PROM1: variants seen among roughly 807,000 people sequenced by gnomAD.
PROM1 encodes the protein prominin 1, also known as prominin-1.
A neutral mutation model predicts 116.9 loss-of-function variants in PROM1; 105 were observed. The observed-to-expected ratio is 0.90, with a 90% CI of 0.77 to 1.06. The LOEUF (loss-of-function observed/expected upper bound fraction) is 1.06. Among genes scored for constraint, PROM1 ranks in the 50% least tolerant of loss-of-function variants. PROM1 has a pLI of 0.00. For missense variants in PROM1, 1,122 were observed against 1,045.2 expected (o/e 1.07, Z -1.01); for synonymous variants, 393 against 387.0 (o/e 1.02, Z -0.18).
chr4:16,022,255 T>C (rs1343997849), intron 8 of PROM1, among the ~76,000 whole-genome samples: 2 of 152,134 alleles, frequency 1.3e-5, no homozygotes, highest in Non-Finnish European at 1.5e-5. Context: ...ATCCCTTCTC[T>C]GGGCCTCCGT....
At chr4:15,980,728 A>G (rs979411892) in intron 23 of PROM1, among the ~76,000 whole-genome samples, 191 bp from the exon 24 acceptor site, 1 of 149,998 alleles carries the variant, frequency 6.7e-6, no homozygotes, top group Non-Finnish European at 1.5e-5. Context: ...CATTGTTAGG[A>G]TTCATTTCAT....
intron 5 of PROM1, among the ~76,000 whole-genome samples, chr4:16,028,424 C>T: frequency 6.6e-6 from 1 of 152,086 alleles, no homozygotes; most frequent in East Asian, 1.9e-4. Context: ...TCCCATTATC[C>T]ACAAAAATCT....
intron 8 of PROM1, 124 bp downstream of exon 8, chr4:16,023,202 C>T: frequency 1.3e-6 from 1 of 788,866 alleles, no homozygotes; most frequent in South Asian, 1.5e-5. Context: ...GAACTGTCTG[C>T]ATGGCCACGG....
In PROM1 at chr4:16,025,301, A is replaced by G. The variant is rs1253500500; in HGVS notation, c.521T>C (p.Phe174Ser). 5.0e-6 allele frequency: 8 copies of G among 1,613,898 alleles called. No homozygotes were observed. The highest frequency in any genetic ancestry group is 5.1e-6 in the Non-Finnish European group (6 of 1,179,808). Residue 174 changes from phenylalanine to serine, a missense_variant, in exon 6 of 28, where the codon TTC (phenylalanine) becomes TCC (serine). Phe to Ser is a radical substitution (Grantham distance 155). Coordinates refer to ENST00000447510, the MANE Select transcript of PROM1 (RefSeq NM_006017.3). Reference sequence around the variant, plus strand: ...CTGGTGATTTGCCACAAAACCATAGAAGATGCCAATGCTGCAGGAAAAGGC... The same window carrying G: ...CTGGTGATTTGCCACAAAACCATAGGAGATGCCAATGCTGCAGGAAAAGGC... ...VICIIISIGIFYGFVANHQVR... is the reference protein window; with the variant it reads ...VICIIISIGISYGFVANHQVR...
In PROM1 at chr4:16,035,747, G is replaced by T. The variant is rs747241561; in HGVS notation, c.291C>A (p.Ile97=). ...KIDYDKPETV[I]LGLKIVYYEA... is the part of the protein sequence containing the mutation. ...ACAAGGACTTTACCTTTAGACCTAA[G>T]ATTACAGTTTCTGGCTGTAGAAGTC... Residue 97 remains isoleucine, a synonymous_variant, in exon 4 of 28, where the codon ATC becomes ATA. Transcript: ENST00000447510. 6.2e-7 allele frequency: 1 copy of T among 1,613,622 alleles called. No individual in the cohort carries two copies. Among genetic ancestry groups the T allele is most frequent in the South Asian group, 1.1e-5 (1 of 91,076 alleles).
intron 23 of PROM1, among the ~76,000 whole-genome samples, chr4:15,983,365 T>C (rs574567575): frequency 4.6e-4 from 68 of 148,072 alleles, no homozygotes; most frequent in African/African-American, 1.4e-3. Flanking sequence ...GGCGAGGAAC[T>C]CAGAAAATTT....
intron 2 of PROM1, among the ~76,000 whole-genome samples, chr4:16,048,736 G>C (rs1252766592): frequency 6.6e-6 from 1 of 152,150 alleles, no homozygotes; most frequent in Non-Finnish European, 1.5e-5. Flanking sequence ...CAAGTAAGGA[G>C]CTCAGAAAAC....
At chr4:16,055,180 T>C (rs1417349241) in intron 2 of PROM1, 5 of 307,548 alleles carry the variant, frequency 1.6e-5, no homozygotes, top group Non-Finnish European at 3.3e-5. Context: ...CCTAGCATTC[T>C]CCTAGGCAAG....
intron 26 of PROM1, 57 bp from the exon 27 acceptor site, chr4:15,971,139 C>T: frequency 7.0e-7 from 1 of 1,438,466 alleles, no homozygotes; most frequent in Non-Finnish European, 9.5e-7. Context: ...TGGGTGGTTT[C>T]ATCACCTCTG....
chr4:16,024,151 C>T lies in PROM1; in HGVS notation c.694+144G>A, dbSNP rs1027369305. On this transcript the variant is annotated intron_variant, in intron 7 of 27. Transcript: ENST00000447510. The stretch of plus-strand genomic sequence containing the variant: ...GGGCTAGATTCTAATCGCTGAGTAA[C>T]AAATGACACATTGGCAATAAGGCTA... 1.9e-5 allele frequency: 14 copies of T among 725,942 alleles called. No homozygotes were observed. The African/African-American group carries it at 2.1e-4, about 11-fold the overall frequency. 45.0% of individuals were successfully genotyped at this position (725,942 alleles called of 1,614,324 possible). A position where few individuals can be genotyped will look rare whatever the true frequency, so the allele number is the denominator to read the frequency against.
intron 23 of PROM1, among the ~76,000 whole-genome samples, chr4:15,983,145 G>A (rs1276269065): frequency 6.6e-6 from 1 of 152,142 alleles, no homozygotes; most frequent in Admixed American, 6.5e-5. Context: ...CATCTCTAAA[G>A]GAAAAGCATA....
chr4:16,051,570 G>A (rs1438259575), intron 2 of PROM1, among the ~76,000 whole-genome samples: 1 of 152,216 alleles, frequency 6.6e-6, no homozygotes, highest in African/African-American at 2.4e-5. Flanking sequence ...ACAAGATGCT[G>A]AGTGTGGGGT....
At chr4:16,019,775 T>G (rs913617826) in intron 8 of PROM1, among the ~76,000 whole-genome samples, 1 of 152,094 alleles carries the variant, frequency 6.6e-6, no homozygotes, top group Non-Finnish European at 1.5e-5. Flanking sequence ...CAAGCTGCAA[T>G]TGGGTGTTTC....
At chr4:16,057,397 T>C (rs775833455) in intron 2 of PROM1, among the ~76,000 whole-genome samples, 34 of 152,252 alleles carry the variant, frequency 2.2e-4, no homozygotes, top group Admixed American at 1.3e-4. Flanking sequence ...AGTGACAGCA[T>C]CAGATTGAAA....
intron 22 of PROM1, among the ~76,000 whole-genome samples, chr4:15,985,220 G>A (rs41268369): frequency 1.6e-3 from 243 of 152,290 alleles, no homozygotes; most frequent in Admixed American, 3.5e-3. Context: ...AAAGCACACA[G>A]GAGGATGTGC....
chr4:15,993,453 CTGGGGTG>C (rs1251465938), intron 16 of PROM1, among the ~76,000 whole-genome samples: 1 of 152,204 alleles, frequency 6.6e-6, no homozygotes, highest in African/African-American at 2.4e-5. Context: ...AGACTCAAGA[CTGGGGTG>C]TGGGCTCTGG....
chr4:16,026,809 G>C (rs1026564049), intron 5 of PROM1, among the ~76,000 whole-genome samples: 1 of 152,152 alleles, frequency 6.6e-6, no homozygotes, highest in South Asian at 2.1e-4. Context: ...ATAACGTTGA[G>C]GGATATTTCC....
chr4:15,975,555 A>C (rs1560376135), intron 26 of PROM1, among the ~76,000 whole-genome samples: 1 of 152,172 alleles, frequency 6.6e-6, no homozygotes, highest in Non-Finnish European at 1.5e-5. Flanking sequence ...TACAAGTGAG[A>C]AAACTGAGTC....
intron 8 of PROM1, among the ~76,000 whole-genome samples, chr4:16,020,161 A>G (rs1160648548): frequency 2.6e-5 from 4 of 152,186 alleles, no homozygotes; most frequent in Non-Finnish European, 5.9e-5. Context: ...ACTGCAACCT[A>G]GCTTTGAGGA....
Sources: gnomAD v4.1 joint callset for allele counts (sites outside exome capture counted in the v4.1 genomes callset) on GRCh38, gnomAD v4.1.1 for gene constraint, MANE v1.5 for transcripts, NCBI Gene and HGNC (gene_info 2026-07-23, HGNC 2026-07-21) for gene names.